SERPINA1: variants seen among roughly 807,000 people sequenced by gnomAD.
SERPINA1 encodes the protein serpin family A member 1.
A neutral mutation model predicts 25.4 loss-of-function variants in SERPINA1; 21 were observed. The ratio of observed to expected loss-of-function variants is 0.83; its 90% CI spans 0.59 to 1.19. SERPINA1 has a LOEUF of 1.19. Among genes scored for constraint, SERPINA1 ranks in the 50% most tolerant of loss-of-function variants. The pLI is 0.00. For missense variants in SERPINA1, 546 were observed against 509.0 expected, an observed-to-expected ratio of 1.07 and a Z score of -0.70; for synonymous variants, 218 against 211.1, an observed-to-expected ratio of 1.03 and a Z score of -0.29.
chr14:94,381,731 G>A (rs1896934050), intron 2 of SERPINA1, among the ~76,000 whole-genome samples: 1 of 152,228 alleles, frequency 6.6e-6, no homozygotes, highest in African/African-American at 2.4e-5. Flanking sequence ...TGGACAGAAG[G>A]AGGAGACTGG....
chr14:94,382,287 AT>A (rs1386035169), intron 2 of SERPINA1, among the ~76,000 whole-genome samples: 28 of 152,272 alleles, frequency 1.8e-4, no homozygotes, highest in Admixed American at 1.6e-3. Context: ...TATGCAGTGT[AT>A]TACAATTTGT....
chr14:94,379,400 G>A, intron 4 of SERPINA1, 64 bp downstream of exon 4: 1 of 1,602,334 alleles, frequency 6.2e-7, no homozygotes, highest in Non-Finnish European at 8.5e-7. Context: ...GGACAGAGCT[G>A]CAGCCCCCAC....
At chr14:94,382,504 A>G (rs1263904012) in intron 2 of SERPINA1, 88 bp downstream of exon 2, 3 of 1,521,874 alleles carry the variant, frequency 2.0e-6, no homozygotes, top group East Asian at 2.3e-5. Context: ...CCCATAATGC[A>G]TTGCCAAGGA....
At position 94,382,916 on chromosome 14, in the gene SERPINA1, G is replaced by C. The variant is rs779344345; in HGVS notation, c.322C>G (p.Leu108Val). 6.2e-7 allele frequency: 1 copy of C among 1,612,588 alleles called. No individual in the cohort carries two copies. The highest frequency in any genetic ancestry group is 8.5e-7 in the Non-Finnish European group (1 of 1,178,768). Residue 108 changes from leucine to valine, a missense_variant, in exon 2 of 5, where the codon CTC becomes GTC. Coordinates refer to ENST00000393087, the MANE Select transcript of SERPINA1 (RefSeq NM_000295.5). ...ATCTGAGCCTCCGGAATCTCCGTGA[G>C]GTTGAAATTCAGGCCCTCCAGGATT... Reference protein sequence around the residue: ...DEILEGLNFNLTEIPEAQIHE... With the variant: ...DEILEGLNFNVTEIPEAQIHE...
chr14:94,381,401 G>A (rs1178266869), intron 2 of SERPINA1, among the ~76,000 whole-genome samples: 2 of 152,200 alleles, frequency 1.3e-5, no homozygotes, highest in African/African-American at 4.8e-5. Context: ...GCTAAGAGAT[G>A]CCATCGTGGC....
Position 94,380,995 on chromosome 14 carries a change from G to C in SERPINA1, c.793C>G (p.Leu265Val), listed in dbSNP as rs768386476. Residue 265 changes from leucine to valine, a missense_variant, in exon 3 of 5, where the codon CTG becomes GTG. By Grantham distance (32) the Leu-to-Val change is conservative. Transcript: ENST00000393087. ...GTGGCATTGCCCAGGTATTTCATCAGCAGCACCCAGCTGGACAGCTTCTTA... is the reference window on the plus strand; with the variant it reads ...GTGGCATTGCCCAGGTATTTCATCACCAGCACCCAGCTGGACAGCTTCTTA... ...HCKKLSSWVLLMKYLGNATAI... is the reference protein window; with the variant it reads ...HCKKLSSWVLVMKYLGNATAI... 6.2e-7 allele frequency: 1 copy of C among 1,614,018 alleles called. No individual in the cohort carries two copies. Among genetic ancestry groups the C allele is most frequent in the African/African-American group, 1.3e-5 (1 of 74,906 alleles).
intron 3 of SERPINA1, among the ~76,000 whole-genome samples, chr14:94,380,074 GAGCGGGC>G (rs1249553720): frequency 1.3e-5 from 2 of 152,288 alleles, no homozygotes; most frequent in Non-Finnish European, 2.9e-5. Context: ...GGTCTGGTGT[GAGCGGGC>G]AGCTTGGCTC....
chr14:94,383,452 ATG>A, intron 1 of SERPINA1: 1 of 592,968 alleles, frequency 1.7e-6, no homozygotes, highest in Non-Finnish European at 3.0e-6. Flanking sequence ...CCGTGCTCAC[ATG>A]TGTTAATTCA....
chr14:94,387,104 C>T (rs1012890508), intron 1 of SERPINA1, among the ~76,000 whole-genome samples: 3 of 152,190 alleles, frequency 2.0e-5, no homozygotes, highest in Non-Finnish European at 4.4e-5. Context: ...AAGCTGAAGC[C>T]AGAAGTCTTG....
At chr14:94,386,000 T>C (rs768006838) in intron 1 of SERPINA1, among the ~76,000 whole-genome samples, 3 of 152,206 alleles carry the variant, frequency 2.0e-5, no homozygotes, top group Admixed American at 1.3e-4. Flanking sequence ...TCTCAGATGA[T>C]GAATGTCAGA....
At chr14:94,384,134 T>C (rs1209520687) in intron 1 of SERPINA1, 1 of 152,170 alleles carries the variant, frequency 6.6e-6, no homozygotes, top group Non-Finnish European at 1.5e-5. Context: ...TGTGCTGCTT[T>C]AAAGTAGATG....
chr14:94,381,195 T>C, intron 2 of SERPINA1, 54 bp from the exon 3 acceptor site: 1 of 1,573,844 alleles, frequency 6.4e-7, no homozygotes, highest in Non-Finnish European at 8.6e-7. Context: ...TTTGGAAGAG[T>C]GTAGCAGAAT....
Position 94,382,747 on chromosome 14 carries a change from G to A in SERPINA1, c.491C>T (p.Ser164Leu). ...CCCGAAGTTGACAGTGAAGGCTTCT[G>A]AGTGGTACAACTTTTTAACATCCTC... ...FLEDVKKLYH[S>L]EAFTVNFGDT... The change falls in exon 2 of 5, where the codon TCA (serine) becomes TTA (leucine). Residue 164 changes from serine (S) to leucine (L), a missense_variant. Coordinates refer to ENST00000393087, the MANE Select transcript of SERPINA1 (RefSeq NM_000295.5). The A allele has an allele frequency of 6.2e-7, 1 of 1,614,246 alleles. No individual in the cohort carries two copies. The highest frequency in any genetic ancestry group is 1.6e-4 in the Middle Eastern group (1 of 6,062).
At chr14:94,386,657 G>A (rs1277197453) in intron 1 of SERPINA1, among the ~76,000 whole-genome samples, 1 of 152,194 alleles carries the variant, frequency 6.6e-6, no homozygotes, top group Non-Finnish European at 1.5e-5. Context: ...CTGCCCGAGA[G>A]ATGGTAGATT....
At chr14:94,380,165 G>T (rs1896783601) in intron 3 of SERPINA1, among the ~76,000 whole-genome samples, 1 of 152,250 alleles carries the variant, frequency 6.6e-6, no homozygotes, top group African/African-American at 2.4e-5. Context: ...CTCAGGAGGT[G>T]CTGGCATGGA....
rs933447323 is a variant in SERPINA1 at position 94,377,847 on chromosome 14, AGAGGTGCAGGGCCC to A, written c.*588_*601del. ...CTCAGTCATTTTCCAGAAGTGCCTGAGAGGTGCAGGGCCCGAGTCTGGTTAGGTGACAGCGGGTC... is the reference window on the plus strand; with the variant it reads ...CTCAGTCATTTTCCAGAAGTGCCTGAGAGTCTGGTTAGGTGACAGCGGGTC... On this transcript the variant is annotated 3_prime_UTR_variant, in exon 5 of 5. Transcript: ENST00000393087. 2 of 155,376 alleles carry A rather than the reference AGAGGTGCAGGGCCC, an allele frequency of 1.3e-5. No homozygotes were observed. The highest frequency in any genetic ancestry group is 4.8e-5 in the African/African-American group (2 of 41,450). The allele number at this position is 155,376 out of a possible 1,614,324, so 9.6% of individuals were successfully genotyped here. A position where few individuals can be genotyped will look rare whatever the true frequency, so the allele number is the denominator to read the frequency against.
rs376616935 is a variant in SERPINA1 at position 94,382,952 on chromosome 14, T to C, written c.286A>G (p.Thr96Ala). The change falls in exon 2 of 5, where the codon ACT becomes GCT. Residue 96 changes from threonine to alanine, a missense_variant. Physicochemically the swap from Thr to Ala is moderately conservative, Grantham distance 58. Transcript: ENST00000393087. Reference protein sequence around the residue: ...AMLSLGTKADTHDEILEGLNF... With the variant: ...AMLSLGTKADAHDEILEGLNF... ...AGGCCCTCCAGGATTTCATCGTGAG[T>C]GTCAGCCTTGGTCCCCAGGGAGAGC... 16 of 1,609,438 alleles carry C rather than the reference T, an allele frequency of 9.9e-6. No homozygotes were observed. In the African/African-American group the frequency reaches 2.0e-4, roughly 20 times the overall value.
chr14:94,384,118 G>A (rs1296549533), intron 1 of SERPINA1: 1 of 152,196 alleles, frequency 6.6e-6, no homozygotes, highest in Non-Finnish European at 1.5e-5. Flanking sequence ...CTTGAAAGCA[G>A]GGGTTTGTGC....
intron 1 of SERPINA1, chr14:94,384,097 G>C (rs959265952): frequency 2.0e-5 from 3 of 152,158 alleles, no homozygotes; most frequent in East Asian, 3.9e-4. Flanking sequence ...CTTTAGAGAC[G>C]CTCATCTCTC....
Sources: gnomAD v4.1 joint callset for allele counts (sites outside exome capture counted in the v4.1 genomes callset) on GRCh38, gnomAD v4.1.1 for gene constraint, MANE v1.5 for transcripts, NCBI Gene and HGNC (gene_info 2026-07-23, HGNC 2026-07-21) for gene names.